BORCS5: variants seen among roughly 807,000 people sequenced by gnomAD.
The protein encoded by BORCS5 is BLOC-1-related complex subunit 5.
BORCS5 carries 17 observed loss-of-function variants against 22.1 expected under a neutral mutation model. That is an observed-to-expected ratio of 0.77 (90% CI 0.53 to 1.15). BORCS5 has a LOEUF of 1.15. BORCS5 is among the 50% of genes most tolerant of loss of function. The pLI is 0.00. For missense variants in BORCS5, 247 were observed against 253.2 expected, an observed-to-expected ratio of 0.98 and a Z score of 0.17; for synonymous variants, 117 against 99.8, an observed-to-expected ratio of 1.17 and a Z score of -1.03.
intron 2 of BORCS5, among the ~76,000 whole-genome samples, chr12:12,432,911 T>C (rs1942463825): frequency 6.6e-6 from 1 of 152,146 alleles, no homozygotes. Context: ...GGGGTAGGTA[T>C]AGTTACAAAA....
At chr12:12,456,634 T>C (rs565944052) in intron 3 of BORCS5, among the ~76,000 whole-genome samples, 64 of 152,372 alleles carry the variant, frequency 4.2e-4, no homozygotes, top group Admixed American at 3.4e-3. Context: ...CATGTACGCC[T>C]ATGTATTTTT....
At chr12:12,367,575 A>G (rs1434046155) in intron 2 of BORCS5, among the ~76,000 whole-genome samples, 2 of 152,256 alleles carry the variant, frequency 1.3e-5, no homozygotes, top group African/African-American at 4.8e-5. Context: ...GTGTGTAAAA[A>G]CAAAAACAAA....
chr12:12,376,585 A>G (rs1277073730), intron 2 of BORCS5, among the ~76,000 whole-genome samples: 2 of 152,154 alleles, frequency 1.3e-5, no homozygotes, highest in Non-Finnish European at 2.9e-5. Flanking sequence ...AAGAATCAGT[A>G]TCTTTTTATT....
chr12:12,417,957 C>CT (rs61573003), intron 2 of BORCS5, among the ~76,000 whole-genome samples: 40,463 of 148,734 alleles, frequency 0.27, 6,529 homozygotes, highest in Non-Finnish European at 0.35. Context: ...ATTTATAATT[C>CT]TTTTTTTTTA....
rs374022190 is a variant in BORCS5, at chr12:12,413,818, G to T, written c.203-21810G>T. Among the ~76,000 whole-genome samples, 115 of 75,204 alleles carry T rather than the reference G, an allele frequency of 1.5e-3. 7 individuals are homozygous for T. The East Asian group carries it at 0.027, about 17-fold the overall frequency. 49.3% of individuals were successfully genotyped at this position (75,204 alleles called of 152,430 possible). On this transcript the variant is annotated intron_variant, in intron 2 of 3. Transcript: ENST00000314565. ...GCGCCCCTCACCTCCCGGACGGGGCGGCTGGCCAGGCGGGGGGCTGGCCCC... is the reference window on the plus strand; with the variant it reads ...GCGCCCCTCACCTCCCGGACGGGGCTGCTGGCCAGGCGGGGGGCTGGCCCC...
At position 12,405,003 on chromosome 12, in the gene BORCS5, A is replaced by G. The variant is rs138265849; in HGVS notation, c.203-30625A>G. Among the ~76,000 whole-genome samples, 14 of 152,314 alleles carry G rather than the reference A, an allele frequency of 9.2e-5. 1 individual carries two copies. In the South Asian group the frequency reaches 2.9e-3, roughly 32 times the overall value. ...GGCATGAGCCACCGCGCCCGGCCAG[A>G]GAACTACTTTGTGTAAGTCTACGAG... On this transcript the variant is annotated intron_variant, in intron 2 of 3. Transcript: ENST00000314565.
At chr12:12,389,972 A>G (rs1009119769) in intron 2 of BORCS5, among the ~76,000 whole-genome samples, 2 of 151,820 alleles carry the variant, frequency 1.3e-5, no homozygotes, top group Non-Finnish European at 1.5e-5. Context: ...TTCATTTCCC[A>G]CTGTGTGCTT....
At chr12:12,437,836 C>T (rs948326292) in intron 3 of BORCS5, among the ~76,000 whole-genome samples, 15 of 152,066 alleles carry the variant, frequency 9.9e-5, no homozygotes, top group Non-Finnish European at 1.6e-4. Flanking sequence ...ATTCATAGCT[C>T]GTTGCAACCT....
intron 2 of BORCS5, among the ~76,000 whole-genome samples, chr12:12,428,249 C>T (rs899577538): frequency 6.6e-6 from 1 of 152,206 alleles, no homozygotes; most frequent in African/African-American, 2.4e-5. Flanking sequence ...GGTTTCCCCC[C>T]ACCTGACATC....
intron 2 of BORCS5, among the ~76,000 whole-genome samples, chr12:12,407,721 T>C (rs1244944728): frequency 6.6e-6 from 1 of 151,514 alleles, no homozygotes; most frequent in Non-Finnish European, 1.5e-5. Flanking sequence ...TTTTTTTTTT[T>C]TTGAGACAGG....
chr12:12,413,248 C>T (rs1323455432), intron 2 of BORCS5, among the ~76,000 whole-genome samples: 4 of 106,220 alleles, frequency 3.8e-5, no homozygotes, highest in African/African-American at 1.8e-4. Context: ...TGTTTGTGTC[C>T]CTGGGTACTT....
chr12:12,438,968 A>T (rs1295120482), intron 3 of BORCS5, among the ~76,000 whole-genome samples: 2 of 152,166 alleles, frequency 1.3e-5, no homozygotes, highest in Non-Finnish European at 2.9e-5. Context: ...ACTTTACATA[A>T]CCTTCGTACA....
At chr12:12,449,039 G>A (rs753378332) in intron 3 of BORCS5, among the ~76,000 whole-genome samples, 4 of 152,164 alleles carry the variant, frequency 2.6e-5, no homozygotes, top group African/African-American at 2.4e-5. Context: ...TGGCAACTCC[G>A]CCTACCTTGC....
intron 2 of BORCS5, among the ~76,000 whole-genome samples, chr12:12,381,726 A>G (rs1287818032): frequency 1.3e-5 from 2 of 151,548 alleles, no homozygotes; most frequent in African/African-American, 4.8e-5. Context: ...GGTATAAACC[A>G]TATGTGCTTT....
chr12:12,453,478 C>G (rs1357348711), intron 3 of BORCS5, among the ~76,000 whole-genome samples: 1 of 152,182 alleles, frequency 6.6e-6, no homozygotes, highest in Non-Finnish European at 1.5e-5. Flanking sequence ...TTTAGAGCCA[C>G]TTTCATAGTG....
chr12:12,443,444 T>G (rs1304974344), intron 3 of BORCS5, among the ~76,000 whole-genome samples: 3 of 152,232 alleles, frequency 2.0e-5, no homozygotes, highest in Non-Finnish European at 4.4e-5. Flanking sequence ...CTTTCTTTTC[T>G]GTAAGAAATA....
chr12:12,368,205 A>G (rs149348044), intron 2 of BORCS5, among the ~76,000 whole-genome samples: 1 of 151,292 alleles, frequency 6.6e-6, no homozygotes, highest in Non-Finnish European at 1.5e-5. Flanking sequence ...CGTATTTAAC[A>G]TAGGTTTCTA....
intron 2 of BORCS5, among the ~76,000 whole-genome samples, chr12:12,390,449 T>C (rs1294119258): frequency 6.6e-6 from 1 of 152,054 alleles, no homozygotes; most frequent in Non-Finnish European, 1.5e-5. Context: ...TTTAAAAGCA[T>C]GTGTCCTAAA....
intron 3 of BORCS5, among the ~76,000 whole-genome samples, chr12:12,462,845 C>T (rs558227923): frequency 7.9e-5 from 12 of 152,020 alleles, no homozygotes; most frequent in East Asian, 7.8e-4. Context: ...TTAATAGAGA[C>T]GGAGTTTCGC....
Sources: allele counts gnomAD v4.1 joint callset (sites outside exome capture counted in the v4.1 genomes callset), GRCh38; gene constraint gnomAD v4.1.1; transcripts MANE v1.5; gene names NCBI Gene and HGNC (gene_info 2026-07-23, HGNC 2026-07-21).